Variants in GPLD1 observed in about 807,000 individuals in gnomAD.
GPLD1 encodes the protein phosphatidylinositol-glycan-specific phospholipase D.
Under a neutral mutation model 112.6 loss-of-function variants are expected in GPLD1, and 84 were observed. The observed-to-expected ratio is 0.75, with a 90% CI of 0.63 to 0.89. The LOEUF (loss-of-function observed/expected upper bound fraction) is 0.89, where lower values mean the gene tolerates loss of function less well. Among genes scored for constraint, GPLD1 ranks in the 40% least tolerant of loss-of-function variants. The pLI, the probability that GPLD1 is intolerant of heterozygous loss-of-function variation, is 0.00. For missense variants in GPLD1, 1,044 were observed against 1,051.5 expected (o/e 0.99, Z 0.10); for synonymous variants, 386 against 403.8 (o/e 0.96, Z 0.53).
chr6:24,444,971 A>G (rs1412263308), intron 20 of GPLD1, among the ~76,000 whole-genome samples: 2 of 152,098 alleles, frequency 1.3e-5, no homozygotes, highest in Non-Finnish European at 2.9e-5. Flanking sequence ...AGTTACTTTC[A>G]TATGTCATTT....
chr6:24,491,861 T>C (rs901124895), upstream of GPLD1, among the ~76,000 whole-genome samples: 1 of 152,264 alleles, frequency 6.6e-6, no homozygotes, highest in Admixed American at 6.5e-5. Context: ...GTTATGAATA[T>C]GGTCTTTATA....
At chr6:24,424,409 T>C (rs961699149), downstream of GPLD1, 2 of 151,206 alleles carry the variant, frequency 1.3e-5, no homozygotes, top group Admixed American at 1.3e-4. Flanking sequence ...TGTCCATTTA[T>C]TGATTTTTAA....
intron 7 of GPLD1, among the ~76,000 whole-genome samples, chr6:24,470,914 T>G (rs1763795554): frequency 6.6e-6 from 1 of 152,212 alleles, no homozygotes; most frequent in Non-Finnish European, 1.5e-5. Context: ...ATTTCAAAAT[T>G]GTTAATTTTC....
At chr6:24,430,603 CTTA>C (rs1762372257) in intron 24 of GPLD1, among the ~76,000 whole-genome samples, 1 of 24,244 alleles carries the variant, frequency 4.1e-5, no homozygotes, top group African/African-American at 1.3e-4. Flanking sequence ...GAGAGCACTA[CTTA>C]CTTAAGTAGA....
At chr6:24,445,660 A>C in intron 19 of GPLD1, 21 bp from the exon 20 acceptor site, 2 of 1,595,784 alleles carry the variant, frequency 1.3e-6, no homozygotes, top group Non-Finnish European at 1.7e-6. Context: ...CAATAAATCA[A>C]TATTGTATAG....
At chr6:24,433,481 CTACTTT>C in intron 22 of GPLD1, 92 bp from the exon 23 acceptor site, 1 of 533,210 alleles carries the variant, frequency 1.9e-6, no homozygotes, top group South Asian at 2.7e-5. Flanking sequence ...ACCCTCATTT[CTACTTT>C]TTTTTTTTTT....
intron 5 of GPLD1, 140 bp downstream of exon 5, chr6:24,474,981 T>C: frequency 1.9e-6 from 1 of 528,884 alleles, no homozygotes; most frequent in Non-Finnish European, 3.4e-6. Context: ...TTGGAAAAGA[T>C]GGGACTCTAA....
chr6:24,483,802 G>A (rs923833444), intron 2 of GPLD1, among the ~76,000 whole-genome samples: 14 of 152,132 alleles, frequency 9.2e-5, no homozygotes, highest in Non-Finnish European at 1.5e-4. Context: ...GGAGTACAGT[G>A]GTGTGATCTT....
chr6:24,475,666 A>T (rs1763987482), intron 4 of GPLD1, among the ~76,000 whole-genome samples: 1 of 147,760 alleles, frequency 6.8e-6, no homozygotes, highest in African/African-American at 2.5e-5. Context: ...AACATGGTGA[A>T]ACCCCGTCTC....
intron 10 of GPLD1, among the ~76,000 whole-genome samples, chr6:24,465,521 C>T (rs2127353221): frequency 6.6e-6 from 1 of 151,688 alleles, no homozygotes; most frequent in African/African-American, 2.4e-5. Flanking sequence ...GCCTGGGTGA[C>T]AGAACAAGAC....
intron 2 of GPLD1, among the ~76,000 whole-genome samples, chr6:24,484,822 T>C (rs1448457712): frequency 6.6e-6 from 1 of 152,218 alleles, no homozygotes; most frequent in East Asian, 1.9e-4. Flanking sequence ...ATCTTACGAC[T>C]AAAAGTATTT....
chr6:24,464,623 G>A (rs781513894), intron 10 of GPLD1, among the ~76,000 whole-genome samples: 1 of 152,138 alleles, frequency 6.6e-6, no homozygotes, highest in Non-Finnish European at 1.5e-5. Context: ...AAGGGTAAAG[G>A]AATATCACCC....
intron 3 of GPLD1, 40 bp downstream of exon 3, chr6:24,479,841 G>A (rs1275084536): frequency 1.8e-6 from 2 of 1,096,370 alleles, no homozygotes; most frequent in Non-Finnish European, 2.8e-6. Flanking sequence ...TATTAACCAA[G>A]TAAAAGTGAC....
chr6:24,472,596 G>T lies in GPLD1; in HGVS notation c.531C>A (p.Tyr177Ter). ...VLSQFEFNFN[Y>*]LARRWYVPVK... ...ATTGCTCTTACCAGCGTCGTGCAAG[G>T]TAATTAAAATTAAATTCAAACTGGC... Residue 177 changes from tyrosine (Y) to a stop codon, truncating the protein, a stop_gained, in exon 7 of 25, where the codon TAC (tyrosine) becomes TAA (stop). Coordinates refer to ENST00000230036, the MANE Select transcript of GPLD1 (RefSeq NM_001503.4). LOFTEE classifies it high-confidence loss of function. The T allele has an allele frequency of 1.4e-5, 22 of 1,593,434 alleles. No individual in the cohort carries two copies. Among genetic ancestry groups the T allele is most frequent in the Non-Finnish European group, 1.9e-5 (22 of 1,161,246 alleles).
chr6:24,434,612 C>A (rs1008377222), intron 22 of GPLD1, among the ~76,000 whole-genome samples: 10 of 151,706 alleles, frequency 6.6e-5, no homozygotes, highest in South Asian at 2.1e-4. Context: ...GGGTCTTGGG[C>A]GGATCACGAG....
rs1035145573 is a variant in GPLD1, at chr6:24,428,849, A to G, written c.*183T>C. 14 of 487,736 alleles carry G rather than the reference A, an allele frequency of 2.9e-5. No individual in the cohort carries two copies. In the Admixed American group the frequency reaches 4.6e-4, roughly 16 times the overall value. 30.2% of individuals were successfully genotyped at this position (487,736 alleles called of 1,614,324 possible). A position where few individuals can be genotyped will look rare whatever the true frequency, so the allele number is the denominator to read the frequency against. On this transcript the variant is annotated 3_prime_UTR_variant, in exon 25 of 25. Transcript: ENST00000230036. ...TCACATATTTCTGGTGCAGTCATAT[A>G]TTTACTGTATCAGATTTCCAGAGGG... is the stretch of plus-strand genomic sequence containing the variant.
At chr6:24,448,982 C>T (rs764000139) in intron 15 of GPLD1, among the ~76,000 whole-genome samples, 7 of 151,902 alleles carry the variant, frequency 4.6e-5, no homozygotes, top group African/African-American at 1.7e-4. Flanking sequence ...CATTATGACA[C>T]CCAGGGAAGA....
At chr6:24,474,169 C>T in intron 5 of GPLD1, among the ~76,000 whole-genome samples, 1 of 74,282 alleles carries the variant, frequency 1.3e-5, no homozygotes, top group East Asian at 2.9e-4. Flanking sequence ...AAAACCACAC[C>T]CACATACACA....
In GPLD1 at chr6:24,445,657, TC is replaced by T; in HGVS notation, c.1927-19del. The T allele has an allele frequency of 1.9e-6, 3 of 1,599,244 alleles. No homozygotes were observed. The highest frequency in any genetic ancestry group is 2.6e-6 in the Non-Finnish European group (3 of 1,166,556). ...CCCATTGCCTGTGAGACACAATAAA[TC>T]AATATTGTATAGGTGAGAAAACTTC... On this transcript the variant is annotated intron_variant, in intron 19 of 24. Coordinates refer to ENST00000230036, the MANE Select transcript of GPLD1 (RefSeq NM_001503.4).
Sources: gnomAD v4.1 joint callset for allele counts (sites outside exome capture counted in the v4.1 genomes callset) on GRCh38, gnomAD v4.1.1 for gene constraint, MANE v1.5 for transcripts, NCBI Gene and HGNC (gene_info 2026-07-23, HGNC 2026-07-21) for gene names.